Variants in ATP11A observed in about 807,000 individuals in gnomAD.
The protein encoded by ATP11A is phospholipid-transporting ATPase IH.
A neutral mutation model predicts 154.4 loss-of-function variants in ATP11A; 81 were observed. That is an observed-to-expected ratio of 0.52 (90% confidence interval 0.44 to 0.63). The LOEUF is 0.63. Ranked by LOEUF, ATP11A falls within the 30% of genes least tolerant of loss-of-function variation. The pLI is 0.00. For synonymous variants in ATP11A, 623 were observed against 585.9 expected (o/e 1.06, Z -0.91); for missense variants, 1,316 against 1,474.3 (o/e 0.89, Z 1.76).
Position 112,885,987 on chromosome 13 carries a change from C to T in ATP11A, c.*4121C>T, listed in dbSNP as rs963990787. The T allele has an allele frequency of 2.6e-5, 4 of 152,358 alleles. No homozygotes were observed. Among genetic ancestry groups the T allele is most frequent in the African/African-American group, 4.8e-5 (2 of 41,482 alleles). 9.4% of individuals were successfully genotyped at this position (152,358 alleles called of 1,614,324 possible). A position where few individuals can be genotyped will look rare whatever the true frequency, so the allele number is the denominator to read the frequency against. The stretch of plus-strand genomic sequence containing the variant: ...TCCAGCCTCGCAAGCTGAAACCTCC[C>T]CTCGGCTCAGCCCTATACCAGGCGG... On this transcript the variant is annotated 3_prime_UTR_variant, in exon 30 of 30. Transcript: ENST00000375645.
chr13:112,876,044 A>C (rs2080714798), intron 28 of ATP11A, 103 bp downstream of exon 28: 1 of 1,362,212 alleles, frequency 7.3e-7, no homozygotes, highest in Admixed American at 2.1e-5. Flanking sequence ...GGATTTCATG[A>C]AACGTGATCA....
chr13:112,712,703 A>G (rs1012369566), intron 1 of ATP11A, among the ~76,000 whole-genome samples: 1 of 152,100 alleles, frequency 6.6e-6, no homozygotes, highest in Non-Finnish European at 1.5e-5. Flanking sequence ...GTGTGGCTCT[A>G]TGGCCGGACC....
intron 1 of ATP11A, among the ~76,000 whole-genome samples, chr13:112,726,882 G>C (rs1889943341): frequency 6.6e-6 from 1 of 152,196 alleles, no homozygotes; most frequent in South Asian, 2.1e-4. Flanking sequence ...TAATTGTAAA[G>C]ACATCTTCCT....
At chr13:112,868,880 G>A (rs1298870721) in intron 25 of ATP11A, among the ~76,000 whole-genome samples, 3 of 152,116 alleles carry the variant, frequency 2.0e-5, no homozygotes, top group Non-Finnish European at 4.4e-5. Flanking sequence ...GGAAGGCAAA[G>A]GGGAAGCAAG....
At chr13:112,834,714 C>A in intron 15 of ATP11A, 54 bp downstream of exon 15, 5 of 1,423,852 alleles carry the variant, frequency 3.5e-6, no homozygotes, top group Non-Finnish European at 4.9e-6. Flanking sequence ...AAAGAGTGTT[C>A]TTTATAAGGT....
At chr13:112,798,610 A>G (rs377464778) in intron 2 of ATP11A, among the ~76,000 whole-genome samples, 1 of 152,222 alleles carries the variant, frequency 6.6e-6, no homozygotes, top group African/African-American at 2.4e-5. Context: ...GTTATGTGAG[A>G]GTGGGCGTAT....
intron 1 of ATP11A, among the ~76,000 whole-genome samples, chr13:112,715,800 A>G (rs1317824865): frequency 6.6e-6 from 1 of 151,848 alleles, no homozygotes; most frequent in African/African-American, 2.4e-5. Context: ...ATCATTCCCA[A>G]GTGGCTTGGG....
At chr13:112,763,039 T>C (rs1389135147) in intron 1 of ATP11A, among the ~76,000 whole-genome samples, 1 of 152,234 alleles carries the variant, frequency 6.6e-6, no homozygotes, top group Non-Finnish European at 1.5e-5. Flanking sequence ...GAAAAGCGCA[T>C]CCCTGAGCAG....
chr13:112,844,491 C>G (rs1230427647), intron 17 of ATP11A, among the ~76,000 whole-genome samples: 1 of 152,322 alleles, frequency 6.6e-6, no homozygotes, highest in African/African-American at 2.4e-5. Flanking sequence ...TACTCCCATC[C>G]CTGCCAACTC....
At chr13:112,819,839 C>T (rs760482571) in intron 7 of ATP11A, 61 bp from the exon 8 acceptor site, 153 of 1,583,222 alleles carry the variant, frequency 9.7e-5, no homozygotes, top group South Asian at 5.5e-5. Flanking sequence ...GTGGGCCAGG[C>T]GCGCGCTTCC....
intron 6 of ATP11A, among the ~76,000 whole-genome samples, chr13:112,818,804 C>G (rs1041138724): frequency 6.6e-6 from 1 of 152,220 alleles, no homozygotes; most frequent in South Asian, 2.1e-4. Context: ...GGGTAAAACT[C>G]ACGTTGAGAC....
intron 1 of ATP11A, among the ~76,000 whole-genome samples, chr13:112,728,391 CTG>C (rs764946258): frequency 7.4e-5 from 11 of 148,212 alleles, no homozygotes; most frequent in Non-Finnish European, 1.2e-4. Flanking sequence ...GGCCATGAGA[CTG>C]TGCGGCCCGG....
At chr13:112,792,655 G>T (rs569646156) in intron 2 of ATP11A, among the ~76,000 whole-genome samples, 5 of 151,196 alleles carry the variant, frequency 3.3e-5, no homozygotes, top group African/African-American at 1.2e-4. Context: ...TTTCCTTCTT[G>T]GGGGAGAGAC....
intron 19 of ATP11A, among the ~76,000 whole-genome samples, 178 bp from the exon 20 acceptor site, chr13:112,855,733 A>G (rs2079902902): frequency 6.6e-6 from 1 of 152,256 alleles, no homozygotes; most frequent in Admixed American, 6.5e-5. Context: ...ATACACTCTT[A>G]AATGTCGACA....
chr13:112,690,336 CA>C lies in ATP11A; in HGVS notation c.-80del. On this transcript the variant is annotated 5_prime_UTR_variant, in exon 1 of 30. Coordinates refer to ENST00000375645, the MANE Select transcript of ATP11A (RefSeq NM_015205.3). This position sits in a 1 kb window ranked among gnomAD's most constrained non-coding sequence, Gnocchi z 5.6. ...GTGACCGGAGCGGGGGGCGCGGCCG[CA>C]CTAGTACCCCGGAGCCCATGGGCGC... 9.0e-7 allele frequency: 1 copy of C among 1,109,698 alleles called. No homozygotes were observed. Among genetic ancestry groups the C allele is most frequent in the South Asian group, 4.2e-5 (1 of 23,864 alleles). 68.7% of individuals were successfully genotyped at this position (1,109,698 alleles called of 1,614,324 possible). A position where few individuals can be genotyped will look rare whatever the true frequency, so the allele number is the denominator to read the frequency against.
At chr13:112,812,826 T>G (rs894213765) in intron 5 of ATP11A, among the ~76,000 whole-genome samples, 2 of 152,240 alleles carry the variant, frequency 1.3e-5, no homozygotes, top group African/African-American at 4.8e-5. Flanking sequence ...AGAGAGCAGA[T>G]GGCCCTGGCC....
intron 1 of ATP11A, among the ~76,000 whole-genome samples, chr13:112,712,464 G>A (rs1887871165): frequency 6.6e-6 from 1 of 152,198 alleles, no homozygotes; most frequent in Non-Finnish European, 1.5e-5. Context: ...CCCACAGTGT[G>A]GCTGATAGTG....
At chr13:112,792,078 G>T (rs2077875462) in intron 2 of ATP11A, among the ~76,000 whole-genome samples, 1 of 152,180 alleles carries the variant, frequency 6.6e-6, no homozygotes, top group Admixed American at 6.5e-5. Flanking sequence ...TCTTCACAGA[G>T]GTGGGATTAG....
At chr13:112,745,133 C>T (rs939860552) in intron 1 of ATP11A, among the ~76,000 whole-genome samples, 16 of 152,186 alleles carry the variant, frequency 1.1e-4, no homozygotes, top group Non-Finnish European at 2.2e-4. Context: ...GGTGCCATCT[C>T]GGCTCACTGC....
Sources: gnomAD v4.1 joint callset for allele counts (sites outside exome capture counted in the v4.1 genomes callset) on GRCh38, gnomAD v4.1.1 for gene constraint, Gnocchi (gnomAD v3.1) non-coding constraint, MANE v1.5 for transcripts, NCBI Gene and HGNC (gene_info 2026-07-23, HGNC 2026-07-21) for gene names.